The following CDHR3 variants were observed in gnomAD, a reference collection of about 807,000 sequenced individuals.
CDHR3 encodes the protein cadherin related family member 3.
In CDHR3, 79 loss-of-function variants were observed where a neutral mutation model predicts 86.6. That is an observed-to-expected ratio of 0.91 (90% confidence interval 0.76 to 1.10). The LOEUF (loss-of-function observed/expected upper bound fraction) is 1.10. CDHR3 is among the 50% of genes least tolerant of loss of function. CDHR3 has a pLI of 0.00. For synonymous variants in CDHR3, 421 were observed against 402.4 expected (o/e 1.05, Z -0.55); for missense variants, 1,081 against 1,077.6 (o/e 1.00, Z -0.04).
chr7:106,000,815 T>G (rs920486161), intron 6 of CDHR3, among the ~76,000 whole-genome samples: 4 of 151,716 alleles, frequency 2.6e-5, no homozygotes, highest in African/African-American at 9.7e-5. Flanking sequence ...AGGGGACCTA[T>G]TTCTCAGTTC....
At chr7:106,021,856 C>A (rs962011858) in intron 13 of CDHR3, among the ~76,000 whole-genome samples, 4 of 152,170 alleles carry the variant, frequency 2.6e-5, no homozygotes, top group Admixed American at 6.5e-5. Flanking sequence ...AAATAATTGC[C>A]GGATGAGAAA....
At chr7:106,007,231 G>T (rs1033030936) in intron 8 of CDHR3, among the ~76,000 whole-genome samples, 3 of 152,218 alleles carry the variant, frequency 2.0e-5, no homozygotes, top group Admixed American at 2.0e-4. Flanking sequence ...CTGGGCCTGT[G>T]ATGGGAGTGG....
chr7:105,976,593 A>G (rs1372102819), intron 2 of CDHR3, among the ~76,000 whole-genome samples: 1 of 152,216 alleles, frequency 6.6e-6, no homozygotes, highest in Non-Finnish European at 1.5e-5. Flanking sequence ...CCCTGTACCC[A>G]TTAGCAGTCA....
chr7:105,996,999 A>G (rs1173867091), intron 6 of CDHR3, among the ~76,000 whole-genome samples: 1 of 152,066 alleles, frequency 6.6e-6, no homozygotes, highest in Non-Finnish European at 1.5e-5. Context: ...AAAAGATGGG[A>G]TTCTGAGCTA....
chr7:106,005,044 C>T lies in CDHR3; in HGVS notation c.1052+357C>T, dbSNP rs1585717752. Among the ~76,000 whole-genome samples, 4 of 152,282 alleles carry T rather than the reference C, an allele frequency of 2.6e-5. No individual in the cohort carries two copies. The East Asian group carries it at 7.7e-4, about 29-fold the overall frequency. On this transcript the variant is annotated intron_variant, in intron 8 of 18. Transcript: ENST00000317716. ...GTTCTTTGTTTATTGCCACGGGTGG[C>T]AAGATGGGGCTGTTAGTTAGCAGTT...
intron 2 of CDHR3, 39 bp from the exon 3 acceptor site, chr7:105,980,929 C>A: frequency 6.4e-7 from 1 of 1,561,072 alleles, no homozygotes; most frequent in Non-Finnish European, 8.7e-7. Context: ...AACAGATCTT[C>A]TTTCACATGG....
chr7:105,987,676 G>A (rs2115713507), intron 4 of CDHR3, among the ~76,000 whole-genome samples: 1 of 152,258 alleles, frequency 6.6e-6, no homozygotes, highest in African/African-American at 2.4e-5. Context: ...ATTGGACTTG[G>A]ATATGGCCTG....
At chr7:106,010,649 G>A (rs920922026) in intron 8 of CDHR3, among the ~76,000 whole-genome samples, 1 of 152,222 alleles carries the variant, frequency 6.6e-6, no homozygotes, top group African/African-American at 2.4e-5. Flanking sequence ...TATCTGCCAT[G>A]AAAAGAGGAT....
intron 7 of CDHR3, among the ~76,000 whole-genome samples, chr7:106,002,436 A>T (rs912324426): frequency 5.9e-5 from 9 of 151,782 alleles, no homozygotes; most frequent in Admixed American, 3.9e-4. Context: ...CCGTTTGTTC[A>T]GATTCTTCCT....
intron 7 of CDHR3, among the ~76,000 whole-genome samples, chr7:106,001,893 G>A (rs190390273): frequency 1.5e-4 from 23 of 152,318 alleles, no homozygotes; most frequent in Admixed American, 1.4e-3. Flanking sequence ...AGAAAAAAAT[G>A]TCTGTATATG....
In CDHR3 at chr7:105,988,131, C is replaced by T. The variant is rs142116424; in HGVS notation, c.513+3842C>T. On this transcript the variant is annotated intron_variant, in intron 4 of 18. Coordinates refer to ENST00000317716, the MANE Select transcript of CDHR3 (RefSeq NM_152750.5). ...CTCAAACTCTTGGGGTCAAGCCATC[C>T]ACCTGCCTTGGCCTCCCAAAGTGCT... 1.8e-3 allele frequency among the ~76,000 whole-genome samples: 271 copies of T among 152,316 alleles called. 1 individual carries two copies. Among genetic ancestry groups the T allele is most frequent in the African/African-American group, 6.2e-3 (258 of 41,556 alleles).
At chr7:106,015,753 C>T (rs1162242343) in intron 10 of CDHR3, 174 bp from the exon 11 acceptor site, 10 of 660,592 alleles carry the variant, frequency 1.5e-5, no homozygotes, top group South Asian at 4.8e-5. Flanking sequence ...TGTGCTCATG[C>T]GCTTATCAAA....
chr7:105,991,816 T>G (rs1033766027), intron 4 of CDHR3, among the ~76,000 whole-genome samples: 1 of 152,194 alleles, frequency 6.6e-6, no homozygotes, highest in Non-Finnish European at 1.5e-5. Context: ...ATGGATCCCT[T>G]CTAATGGGAC....
chr7:106,001,434 A>G (rs1390891002), intron 6 of CDHR3, 28 bp from the exon 7 acceptor site: 3 of 1,611,042 alleles, frequency 1.9e-6, no homozygotes, highest in Non-Finnish European at 2.5e-6. Flanking sequence ...CCTGGAAATT[A>G]GCTGTGTCTG....
chr7:106,001,334 C>T (rs1833139235), intron 6 of CDHR3, 128 bp from the exon 7 acceptor site: 5 of 951,758 alleles, frequency 5.3e-6, no homozygotes, highest in Non-Finnish European at 7.9e-6. Flanking sequence ...TGTGCTCTCC[C>T]TCTGAGCATG....
chr7:105,995,429 G>A (rs1036254383), intron 5 of CDHR3, among the ~76,000 whole-genome samples: 15 of 152,224 alleles, frequency 9.9e-5, no homozygotes, highest in Non-Finnish European at 2.9e-5. Flanking sequence ...ATGTGGACAC[G>A]GAGAGTGTCT....
At chr7:105,968,661 AGC>A (rs1375697568) in intron 1 of CDHR3, among the ~76,000 whole-genome samples, 34 of 152,208 alleles carry the variant, frequency 2.2e-4, no homozygotes, top group African/African-American at 6.5e-4. Flanking sequence ...TGCCTGGCCG[AGC>A]ATATGCATTT....
At chr7:106,016,615 G>A (rs1835666196) in intron 11 of CDHR3, among the ~76,000 whole-genome samples, 1 of 152,040 alleles carries the variant, frequency 6.6e-6, no homozygotes, top group Non-Finnish European at 1.5e-5. Flanking sequence ...ATGCTCTAGT[G>A]TAATAGACTC....
chr7:106,031,369 C>T (rs945891830), intron 18 of CDHR3, among the ~76,000 whole-genome samples: 17 of 152,244 alleles, frequency 1.1e-4, no homozygotes, highest in African/African-American at 3.9e-4. Context: ...CCAGAGCTCT[C>T]ATCACCCCCG....
Sources: gnomAD v4.1 joint callset for allele counts (sites outside exome capture counted in the v4.1 genomes callset) on GRCh38, gnomAD v4.1.1 for gene constraint, MANE v1.5 for transcripts, NCBI Gene and HGNC (gene_info 2026-07-23, HGNC 2026-07-21) for gene names.